The following FMN1 variants were observed in gnomAD, a reference collection of about 807,000 sequenced individuals.
FMN1 encodes the protein formin 1.
A neutral mutation model predicts 132.4 loss-of-function variants in FMN1; 110 were observed. That is an observed-to-expected ratio of 0.83 (90% confidence interval 0.71 to 0.97). The LOEUF (loss-of-function observed/expected upper bound fraction) is 0.97. FMN1 is among the 50% of genes least tolerant of loss of function. The pLI, the probability that FMN1 is intolerant of heterozygous loss-of-function variation, is 0.00. For missense variants in FMN1, 1,792 were observed against 1,705.3 expected (o/e 1.05, Z -0.90); for synonymous variants, 722 against 651.7 (o/e 1.11, Z -1.64).
intron 4 of FMN1, among the ~76,000 whole-genome samples, chr15:33,094,721 T>A (rs2039016800): frequency 6.6e-6 from 1 of 152,220 alleles, no homozygotes; most frequent in Non-Finnish European, 1.5e-5. Context: ...AATATCTCTT[T>A]GATTATTTTA....
chr15:32,900,331 A>G (rs2060265419), intron 13 of FMN1: 1 of 699,232 alleles, frequency 1.4e-6, no homozygotes, highest in Non-Finnish European at 2.6e-6. Flanking sequence ...TACCCACTCA[A>G]ATTAATTATA....
At chr15:32,939,179 C>T (rs1265797038) in intron 9 of FMN1, among the ~76,000 whole-genome samples, 1 of 152,192 alleles carries the variant, frequency 6.6e-6, no homozygotes, top group Non-Finnish European at 1.5e-5. Flanking sequence ...AACAATACTT[C>T]AGGCTCAAGA....
intron 19 of FMN1, among the ~76,000 whole-genome samples, chr15:32,794,077 T>C (rs2057188655): frequency 6.6e-6 from 1 of 152,150 alleles, no homozygotes; most frequent in Non-Finnish European, 1.5e-5. Flanking sequence ...CTTTGAACTA[T>C]CTTCTGTAAA....
intron 6 of FMN1, among the ~76,000 whole-genome samples, chr15:33,041,867 C>T (rs557168593): frequency 1.3e-5 from 2 of 152,142 alleles, no homozygotes; most frequent in South Asian, 2.1e-4. Context: ...TGAACATACA[C>T]TACTGAACTA....
chr15:33,043,942 ACT>A (rs1488040871), intron 6 of FMN1, among the ~76,000 whole-genome samples: 1 of 152,044 alleles, frequency 6.6e-6, no homozygotes, highest in African/African-American at 2.4e-5. Flanking sequence ...GCATCTCTGC[ACT>A]CTCAGGGACC....
intron 9 of FMN1, among the ~76,000 whole-genome samples, chr15:32,954,022 G>T (rs2061709131): frequency 6.6e-6 from 1 of 152,160 alleles, no homozygotes; most frequent in Non-Finnish European, 1.5e-5. Context: ...CACTCCAGAT[G>T]CCATGTTAGG....
intron 19 of FMN1, among the ~76,000 whole-genome samples, chr15:32,778,596 C>A (rs1473470391): frequency 6.6e-6 from 1 of 152,010 alleles, no homozygotes; most frequent in Non-Finnish European, 1.5e-5. Flanking sequence ...ATCAAAACCA[C>A]AATGGGATAC....
chr15:32,953,419 A>C (rs185410029), intron 9 of FMN1, among the ~76,000 whole-genome samples: 1 of 152,340 alleles, frequency 6.6e-6, no homozygotes, highest in East Asian at 1.9e-4. Context: ...TACAGAAGGC[A>C]GATTTTTGAA....
intron 7 of FMN1, among the ~76,000 whole-genome samples, chr15:32,998,562 G>C (rs1320510213): frequency 6.6e-6 from 1 of 152,096 alleles, no homozygotes; most frequent in Non-Finnish European, 1.5e-5. Flanking sequence ...GAGTGAGGCA[G>C]GACAAGTCTG....
chr15:32,834,089 G>A (rs1238404001), intron 17 of FMN1, among the ~76,000 whole-genome samples: 1 of 152,168 alleles, frequency 6.6e-6, no homozygotes, highest in Non-Finnish European at 1.5e-5. Context: ...ACTCAGGTTA[G>A]TTGAGGCTGG....
intron 12 of FMN1, among the ~76,000 whole-genome samples, chr15:32,907,841 G>A (rs1018916330): frequency 3.3e-5 from 5 of 150,814 alleles, no homozygotes; most frequent in Admixed American, 2.0e-4. Context: ...GGGCAGGGTC[G>A]TGGGGCTGCA....
At position 32,964,160 on chromosome 15, in the gene FMN1, G is replaced by C. The variant is rs374929655; in HGVS notation, c.3085C>G (p.Gln1029Glu). ...GTCTCTGACAGAGGTTTTTTCTTCT[G>C]TTGAGTTGTGTCTTTGGAGAATAAA... is the stretch of plus-strand genomic sequence containing the variant. ...EYLFSKDTTQ[Q>E]KKKPLSETYE... The change falls in exon 9 of 21, where the codon CAG becomes GAG. Residue 1029 changes from glutamine to glutamate, a missense_variant. This residue lies in a region of FMN1 where 1,150 missense variants were observed against 1,043.1 expected (regional missense o/e 1.10). Transcript: ENST00000616417. The C allele has an allele frequency of 1.9e-6, 3 of 1,612,712 alleles. No individual in the cohort carries two copies. The South Asian group carries it at 3.3e-5, about 18-fold the overall frequency.
In FMN1 at chr15:32,980,319, A is replaced by C. The variant is rs1017867206; in HGVS notation, c.2224-10842T>G. Among the ~76,000 whole-genome samples the C allele has an allele frequency of 2.4e-4, 37 of 152,070 alleles. 1 individual carries two copies. The highest frequency in any genetic ancestry group is 3.9e-4 in the East Asian group (2 of 5,186). On this transcript the variant is annotated intron_variant, in intron 7 of 20. Coordinates refer to ENST00000616417, the MANE Select transcript of FMN1 (RefSeq NM_001277313.2). ...TCTAGGTCAGTTTGAAAAAAAAAAA[A>C]ACAAAAACCTAAAATAGGGTCACAG...
At chr15:32,998,141 T>G (rs1381797066) in intron 7 of FMN1, among the ~76,000 whole-genome samples, 1 of 152,200 alleles carries the variant, frequency 6.6e-6, no homozygotes, top group African/African-American at 2.4e-5. Flanking sequence ...AAGGAAGTTT[T>G]TAAATGTTAT....
intron 4 of FMN1, among the ~76,000 whole-genome samples, chr15:33,111,212 A>G (rs532482005): frequency 6.6e-6 from 1 of 152,260 alleles, no homozygotes; most frequent in South Asian, 2.1e-4. Context: ...TTTCAACCCT[A>G]CACAAGTTAA....
chr15:32,964,346 T>A, intron 8 of FMN1, 89 bp from the exon 9 acceptor site: 3 of 951,448 alleles, frequency 3.2e-6, no homozygotes, highest in Non-Finnish European at 3.1e-6. Flanking sequence ...CATTTTTTAA[T>A]TTCATTTTTC....
chr15:33,108,368 T>C (rs760592313), intron 4 of FMN1, among the ~76,000 whole-genome samples: 1 of 152,040 alleles, frequency 6.6e-6, no homozygotes, highest in Non-Finnish European at 1.5e-5. Flanking sequence ...TCTATCTACA[T>C]GTCTCTTACT....
intron 19 of FMN1, among the ~76,000 whole-genome samples, chr15:32,796,006 G>T (rs747061354): frequency 6.6e-6 from 1 of 152,122 alleles, no homozygotes; most frequent in African/African-American, 2.4e-5. Flanking sequence ...TAAGATTATT[G>T]TTCACTCACA....
chr15:33,117,407 CAG>C (rs2039970016), intron 4 of FMN1, among the ~76,000 whole-genome samples: 1 of 152,178 alleles, frequency 6.6e-6, no homozygotes, highest in Non-Finnish European at 1.5e-5. Context: ...GAGAAATACA[CAG>C]GGGCTGAGAG....
Sources: allele counts gnomAD v4.1 joint callset (sites outside exome capture counted in the v4.1 genomes callset), GRCh38; gene constraint gnomAD v4.1.1; regional missense constraint gnomAD v4.1.1; transcripts MANE v1.5; gene names NCBI Gene and HGNC (gene_info 2026-07-23, HGNC 2026-07-21).